TET3: variants seen among roughly 807,000 people sequenced by gnomAD.
TET3 encodes methylcytosine dioxygenase TET3.
Under a neutral mutation model 141.4 loss-of-function variants are expected in TET3, and 19 were observed. That is an observed-to-expected ratio of 0.13 (90% CI 0.09 to 0.20). TET3 has a LOEUF of 0.20. Ranked by LOEUF, TET3 falls within the 10% of genes least tolerant of loss-of-function variation. TET3 has a pLI of 1.00. For synonymous variants in TET3, 1,043 were observed against 980.9 expected (o/e 1.06, Z -1.18); for missense variants, 1,874 against 2,356.9 (o/e 0.80, Z 4.24).
chr2:73,987,842 G>A (rs569978881), intron 2 of TET3, among the ~76,000 whole-genome samples: 14 of 152,340 alleles, frequency 9.2e-5, no homozygotes, highest in African/African-American at 2.9e-4. Context: ...TGTGGCTGGC[G>A]TTGGGCTGGC....
At chr2:74,035,991 T>G (rs1160253998) in intron 3 of TET3, among the ~76,000 whole-genome samples, 1 of 152,148 alleles carries the variant, frequency 6.6e-6, no homozygotes, top group Non-Finnish European at 1.5e-5. Flanking sequence ...CACTCCAGCC[T>G]GGGCGACAGA....
chr2:74,002,124 G>A (rs1481893236), intron 2 of TET3, among the ~76,000 whole-genome samples: 2 of 152,172 alleles, frequency 1.3e-5, no homozygotes, highest in Admixed American at 1.3e-4. Flanking sequence ...CTTCAGAGCC[G>A]ACAGACCTGG....
chr2:74,002,868 C>A, intron 2 of TET3: 1 of 568,010 alleles, frequency 1.8e-6, no homozygotes, highest in South Asian at 2.2e-5. Context: ...TCTCGGATCT[C>A]GGGGGGATTC....
Position 74,048,246 on chromosome 2 carries a change from G to A in TET3, c.2329G>A (p.Glu777Lys). 1 of 1,613,818 alleles carries A rather than the reference G, an allele frequency of 6.2e-7. No homozygotes were observed. The highest frequency in any genetic ancestry group is 8.5e-7 in the Non-Finnish European group (1 of 1,179,852). ...CTCAACCACCTGCTTCCATTCAGAG[G>A]AGGGAGGACAGGAGGCCACACCCAC... Reference protein sequence around the residue: ...VLSTTCFHSEEGGQEATPTKA... With the variant: ...VLSTTCFHSEKGGQEATPTKA... The change falls in exon 4 of 12, where the codon GAG becomes AAG. Residue 777 changes from glutamate (E) to lysine (K), a missense_variant. By Grantham distance (56) the Glu-to-Lys change is moderately conservative. Coordinates refer to ENST00000409262, the MANE Select transcript of TET3 (RefSeq NM_001287491.2).
intron 4 of TET3, among the ~76,000 whole-genome samples, chr2:74,064,582 A>AT (rs1450666523): frequency 6.6e-6 from 1 of 151,684 alleles, no homozygotes. Context: ...TTGTTTGTTT[A>AT]TTTGTTTTTT....
At chr2:74,061,546 G>A (rs1301740176) in intron 4 of TET3, among the ~76,000 whole-genome samples, 4 of 144,158 alleles carry the variant, frequency 2.8e-5, no homozygotes, top group Non-Finnish European at 4.6e-5. Context: ...GGGCGGCCGG[G>A]CAGAGGCGCC....
At chr2:74,000,782 G>A (rs760901113) in intron 2 of TET3, among the ~76,000 whole-genome samples, 6 of 152,310 alleles carry the variant, frequency 3.9e-5, no homozygotes, top group Non-Finnish European at 7.4e-5. Flanking sequence ...ACATCGCGAA[G>A]TCCTTCCGTT....
Position 74,101,562 on chromosome 2 carries a change from C to CTGT in TET3, c.4776_4778dup (p.Leu1592dup). On this transcript the variant is annotated inframe_insertion, in exon 12 of 12. Coordinates refer to ENST00000409262, the MANE Select transcript of TET3 (RefSeq NM_001287491.2). The surrounding 1 kb of genome is among the most constrained non-coding windows in gnomAD (Gnocchi z 8.5). ...TCTGCCCCTGGGATCCAGCGAGAAGCTGTTTGGGGCTCTGAAGTCAGAGGA... is the reference window on the plus strand; with the variant it reads ...TCTGCCCCTGGGATCCAGCGAGAAGCTGTTGTTTGGGGCTCTGAAGTCAGAGGA... The CTGT allele has an allele frequency of 6.2e-7, 1 of 1,608,954 alleles. No individual in the cohort carries two copies. Among genetic ancestry groups the CTGT allele is most frequent in the Non-Finnish European group, 8.5e-7 (1 of 1,177,402 alleles).
intron 4 of TET3, among the ~76,000 whole-genome samples, chr2:74,070,609 C>A (rs541892755): frequency 5.8e-4 from 88 of 152,326 alleles, no homozygotes; most frequent in Non-Finnish European, 1.2e-3. Flanking sequence ...CATAATATCA[C>A]TACTGCATTT....
At chr2:74,062,025 C>A (rs1036363562) in intron 4 of TET3, among the ~76,000 whole-genome samples, 1 of 151,966 alleles carries the variant, frequency 6.6e-6, no homozygotes. Flanking sequence ...GGGTGGCGGC[C>A]GGGCAGAGGC....
intron 4 of TET3, among the ~76,000 whole-genome samples, chr2:74,068,918 C>T (rs1318056732): frequency 1.3e-5 from 2 of 152,112 alleles, no homozygotes; most frequent in African/African-American, 4.8e-5. Context: ...AGGAAATTAG[C>T]CTTTTGACTG....
chr2:74,006,202 G>A (rs1241526361), intron 3 of TET3, among the ~76,000 whole-genome samples: 1 of 152,172 alleles, frequency 6.6e-6, no homozygotes, highest in Non-Finnish European at 1.5e-5. Context: ...TCTCTCTCGG[G>A]TATGTTTATA....
At chr2:73,988,027 C>G (rs1341634519) in intron 2 of TET3, among the ~76,000 whole-genome samples, 1 of 152,186 alleles carries the variant, frequency 6.6e-6, no homozygotes, top group East Asian at 1.9e-4. Flanking sequence ...AGCTGTATGT[C>G]CTGACCCAGG....
chr2:74,019,202 A>G (rs1430741730), intron 3 of TET3, among the ~76,000 whole-genome samples: 1 of 152,206 alleles, frequency 6.6e-6, no homozygotes. Flanking sequence ...GGCTGCGGTG[A>G]GCTATGATCT....
chr2:74,016,105 T>C (rs1441948781), intron 3 of TET3, among the ~76,000 whole-genome samples: 2 of 152,094 alleles, frequency 1.3e-5, no homozygotes, highest in East Asian at 1.9e-4. Flanking sequence ...TGGTGGCTCA[T>C]GCTTATAGTC....
intron 11 of TET3, 150 bp from the exon 12 acceptor site, chr2:74,100,243 G>T: frequency 2.4e-6 from 2 of 841,852 alleles, no homozygotes; most frequent in Non-Finnish European, 3.7e-6. Context: ...CCCGTTCTGG[G>T]CTGGACATGC....
chr2:73,985,564 G>A (rs1042102621), intron 1 of TET3, among the ~76,000 whole-genome samples: 1 of 149,116 alleles, frequency 6.7e-6, no homozygotes, highest in South Asian at 2.1e-4. Context: ...CCACCTCCAG[G>A]CGGCTTCCGT....
chr2:74,089,771 T>G, intron 7 of TET3, 126 bp from the exon 8 acceptor site: 181 of 1,268,098 alleles, frequency 1.4e-4, no homozygotes, highest in Non-Finnish European at 1.8e-4. Context: ...TGGGGAAGGA[T>G]GAGTCTCAGT....
intron 3 of TET3, among the ~76,000 whole-genome samples, chr2:74,031,631 G>A (rs1470562976): frequency 6.6e-6 from 1 of 152,172 alleles, no homozygotes; most frequent in Non-Finnish European, 1.5e-5. Context: ...ACAGCAGCAG[G>A]CTTCCCTAAA....
Sources: gnomAD v4.1 joint callset for allele counts (sites outside exome capture counted in the v4.1 genomes callset) on GRCh38, gnomAD v4.1.1 for gene constraint, Gnocchi (gnomAD v3.1) non-coding constraint, MANE v1.5 for transcripts, NCBI Gene and HGNC (gene_info 2026-07-23, HGNC 2026-07-21) for gene names.